PDK1: variants seen among roughly 807,000 people sequenced by gnomAD.
PDK1 encodes [Pyruvate dehydrogenase (acetyl-transferring)] kinase isozyme 1, mitochondrial.
PDK1 carries 39 observed loss-of-function variants against 54.2 expected under a neutral mutation model. The ratio of observed to expected loss-of-function variants is 0.72; its 90% CI spans 0.56 to 0.94. The LOEUF is 0.94. PDK1 is among the 40% of genes least tolerant of loss of function. PDK1 has a pLI of 0.00. For synonymous variants in PDK1, 221 were observed against 207.1 expected, an observed-to-expected ratio of 1.07 and a Z score of -0.58; for missense variants, 552 against 566.0, an observed-to-expected ratio of 0.98 and a Z score of 0.25.
At chr2:172,709,025 T>A in the PDK1 span, among the ~76,000 whole-genome samples, 1 of 151,922 alleles carries the variant, frequency 6.6e-6, no homozygotes, top group Non-Finnish European at 1.5e-5. Context: ...ATAAAGAGAT[T>A]TGTTGTTTCT....
At chr2:172,652,268 GC>G in the PDK1 span, among the ~76,000 whole-genome samples, 12 of 152,114 alleles carry the variant, frequency 7.9e-5, no homozygotes, top group African/African-American at 2.2e-4. Flanking sequence ...AAATTCAACA[GC>G]CCTTCATGCT....
chr2:172,558,617 C>G (rs111666806), intron 1 of PDK1, 91 bp from the exon 2 acceptor site: 22 of 1,178,684 alleles, frequency 1.9e-5, no homozygotes, highest in Non-Finnish European at 2.2e-5. Flanking sequence ...CTGGCCTTGC[C>G]GGATAACTTC....
At chr2:172,674,814 C>A in the PDK1 span, 1 of 152,284 alleles carries the variant, frequency 6.6e-6, no homozygotes, top group Non-Finnish European at 1.5e-5. Flanking sequence ...TGCAGGCTGC[C>A]GGGCCGGGCC....
At chr2:172,636,673 A>G in the PDK1 span, among the ~76,000 whole-genome samples, 2 of 151,368 alleles carry the variant, frequency 1.3e-5, no homozygotes, top group Non-Finnish European at 2.9e-5. Context: ...GTGAGCTGAG[A>G]TCACGCCACT....
chr2:172,711,078 C>T, the PDK1 span, among the ~76,000 whole-genome samples: 1 of 152,220 alleles, frequency 6.6e-6, no homozygotes, highest in East Asian at 1.9e-4. Flanking sequence ...AGAGCATCCT[C>T]TTTAAGCCTA....
chr2:172,616,536 G>A, the PDK1 span, among the ~76,000 whole-genome samples: 1 of 152,102 alleles, frequency 6.6e-6, no homozygotes, highest in Non-Finnish European at 1.5e-5. Flanking sequence ...TGAAAGGTGA[G>A]GGGATGATAA....
chr2:172,581,832 GC>G (rs1208440886), intron 8 of PDK1, among the ~76,000 whole-genome samples: 1 of 152,098 alleles, frequency 6.6e-6, no homozygotes, highest in African/African-American at 2.4e-5. Flanking sequence ...CTGTCTTACA[GC>G]CCTAGCTGCT....
In PDK1 at chr2:172,596,025, T is replaced by C; in HGVS notation, c.*56T>C. 1 of 1,495,292 alleles carries C rather than the reference T, an allele frequency of 6.7e-7. No homozygotes were observed. Among genetic ancestry groups the C allele is most frequent in the Non-Finnish European group, 9.1e-7 (1 of 1,093,254 alleles). 92.6% of individuals were successfully genotyped at this position (1,495,292 alleles called of 1,614,324 possible). On this transcript the variant is annotated 3_prime_UTR_variant, in exon 11 of 11. Coordinates refer to ENST00000282077, the MANE Select transcript of PDK1 (RefSeq NM_002610.5). The stretch of plus-strand genomic sequence containing the variant: ...TGGCTTTTGTATTAAATTTGGAAGG[T>C]ATGGTGTTCAGAACTATATTATACC...
In PDK1 at chr2:172,578,140, A is replaced by G. The variant is rs1689675258; in HGVS notation, c.945+7316A>G. ...TCTTTTTCTTTCAGCACTTTGGAAT[A>G]TGTTATCTCACTGCCTTCCAGCCTC... On this transcript the variant is annotated intron_variant, in intron 8 of 10. Coordinates refer to ENST00000282077, the MANE Select transcript of PDK1 (RefSeq NM_002610.5). Among the ~76,000 whole-genome samples, 4 of 152,196 alleles carry G rather than the reference A, an allele frequency of 2.6e-5. No homozygotes were observed. The South Asian group carries it at 8.3e-4, about 31-fold the overall frequency.
In PDK1 at chr2:172,604,800, T is replaced by G. The variant is rs1691232342; in HGVS notation, c.*8831T>G. ...GGGCTGCTTGAGTGTTACTGTTTTG[T>G]GCCACAATATGATGTGGCCAGACTA... is the stretch of plus-strand genomic sequence containing the variant. On this transcript the variant is annotated 3_prime_UTR_variant, in exon 11 of 11. Transcript: ENST00000282077. 6.6e-6 allele frequency: 1 copy of G among 152,254 alleles called. No individual in the cohort carries two copies. Among genetic ancestry groups the G allele is most frequent in the East Asian group, 1.9e-4 (1 of 5,206 alleles). 9.4% of individuals were successfully genotyped at this position (152,254 alleles called of 1,614,324 possible).
chr2:172,631,539 C>CTG, the PDK1 span, among the ~76,000 whole-genome samples: 108,331 of 151,346 alleles, frequency 0.72, 39,104 homozygotes, highest in Non-Finnish European at 0.77. Flanking sequence ...CAGAGGTTAG[C>CTG]CATGTGGTAA....
the PDK1 span, among the ~76,000 whole-genome samples, chr2:172,666,085 A>G: frequency 6.6e-6 from 1 of 152,156 alleles, no homozygotes; most frequent in Non-Finnish European, 1.5e-5. Context: ...TTATTAATTA[A>G]GGCCTGATGT....
At chr2:172,620,537 C>T in the PDK1 span, among the ~76,000 whole-genome samples, 1 of 152,096 alleles carries the variant, frequency 6.6e-6, no homozygotes, top group East Asian at 1.9e-4. Flanking sequence ...CTGTGGGGCT[C>T]TGATACGGTT....
chr2:172,595,882 G>C lies in PDK1; in HGVS notation c.1224G>C (p.Trp408Cys). Reference sequence around the variant, plus strand: ...TCCCAGTGTATAACAAAGCTGCCTGGAAGCATTACAACACCAACCACGAGG... The same window carrying C: ...TCCCAGTGTATAACAAAGCTGCCTGCAAGCATTACAACACCAACCACGAGG... ...ERLPVYNKAAWKHYNTNHEAD... is the reference protein window; with the variant it reads ...ERLPVYNKAACKHYNTNHEAD... The change falls in exon 11 of 11, where the codon TGG becomes TGC. Residue 408 changes from tryptophan (W) to cysteine (C), a missense_variant. Transcript: ENST00000282077. The C allele has an allele frequency of 6.2e-7, 1 of 1,613,902 alleles. No individual in the cohort carries two copies.
Position 172,564,500 on chromosome 2 carries a change from T to G in PDK1, c.411-3T>G. 1 of 1,607,366 alleles carries G rather than the reference T, an allele frequency of 6.2e-7. No homozygotes were observed. The highest frequency in any genetic ancestry group is 8.5e-7 in the Non-Finnish European group (1 of 1,175,044). On this transcript the variant is annotated splice_polypyrimidine_tract_variant and splice_region_variant and intron_variant, in intron 3 of 10. Transcript: ENST00000282077. Reference sequence around the variant, plus strand: ...GGCTGTTTTGACAGATGGGTTTGTTTAGCTTTACAGATACTGTGATACGGA... The same window carrying G: ...GGCTGTTTTGACAGATGGGTTTGTTGAGCTTTACAGATACTGTGATACGGA...
chr2:172,719,446 A>G, the PDK1 span, among the ~76,000 whole-genome samples: 1 of 152,294 alleles, frequency 6.6e-6, no homozygotes, highest in South Asian at 2.1e-4. Context: ...TGATGGTTCC[A>G]GTGCTCCACA....
the PDK1 span, among the ~76,000 whole-genome samples, chr2:172,719,291 T>C: frequency 1.3e-5 from 2 of 152,236 alleles, no homozygotes; most frequent in Non-Finnish European, 2.9e-5. Flanking sequence ...TACAGGTTTT[T>C]GGTTGAAAAT....
At chr2:172,707,111 A>C in the PDK1 span, among the ~76,000 whole-genome samples, 8 of 152,158 alleles carry the variant, frequency 5.3e-5, 1 homozygote, top group South Asian at 1.5e-3. Flanking sequence ...CTGATACCCC[A>C]CCAGCAGGGA....
At chr2:172,585,654 G>A (rs1415299852) in intron 8 of PDK1, among the ~76,000 whole-genome samples, 4 of 152,038 alleles carry the variant, frequency 2.6e-5, no homozygotes, top group Non-Finnish European at 5.9e-5. Context: ...CCAGAAAGGA[G>A]TAACAGATTT....
Sources: gnomAD v4.1 joint callset for allele counts (sites outside exome capture counted in the v4.1 genomes callset) on GRCh38, gnomAD v4.1.1 for gene constraint, MANE v1.5 for transcripts, NCBI Gene and HGNC (gene_info 2026-07-23, HGNC 2026-07-21) for gene names.